NF2: variants seen among roughly 807,000 people sequenced by gnomAD.
The protein encoded by NF2 is NF2, moesin-ezrin-radixin like (MERLIN) tumor suppressor.
NF2 carries 8 observed loss-of-function variants against 83.7 expected under a neutral mutation model. The observed-to-expected ratio is 0.10, with a 90% CI of 0.06 to 0.17. The LOEUF is 0.17. Ranked by LOEUF, NF2 falls within the 10% of genes least tolerant of loss-of-function variation. NF2 has a pLI of 1.00. For missense variants in NF2, 533 were observed against 744.4 expected, an observed-to-expected ratio of 0.72 and a Z score of 3.31; for synonymous variants, 266 against 269.6, an observed-to-expected ratio of 0.99 and a Z score of 0.13.
chr22:29,606,357 C>T (rs951272745), intron 1 of NF2, among the ~76,000 whole-genome samples: 1 of 152,246 alleles, frequency 6.6e-6, no homozygotes, highest in Non-Finnish European at 1.5e-5. Flanking sequence ...GCTCATCCCC[C>T]AGTTCTTGCA....
At chr22:29,655,216 C>T (rs533334368) in intron 5 of NF2, among the ~76,000 whole-genome samples, 5 of 152,254 alleles carry the variant, frequency 3.3e-5, no homozygotes, top group East Asian at 3.9e-4. Flanking sequence ...AATAAAGGCC[C>T]GTTTCTCACC....
chr22:29,661,062 T>G, intron 7 of NF2, 143 bp from the exon 8 acceptor site: 1 of 1,213,594 alleles, frequency 8.2e-7, no homozygotes, highest in Non-Finnish European at 1.2e-6. Context: ...GAAATCTTCT[T>G]GGTTTATAAG....
At chr22:29,615,561 C>A (rs1054648468) in intron 1 of NF2, among the ~76,000 whole-genome samples, 4 of 152,016 alleles carry the variant, frequency 2.6e-5, no homozygotes, top group Non-Finnish European at 5.9e-5. Flanking sequence ...CAAAGCGAGA[C>A]CCTGTCTCAA....
intron 6 of NF2, among the ~76,000 whole-genome samples, chr22:29,656,984 C>T (rs895815386): frequency 5.3e-5 from 8 of 151,714 alleles, no homozygotes; most frequent in African/African-American, 1.9e-4. Context: ...TAGCCTTTAA[C>T]ATTTTTTTCT....
intron 7 of NF2, among the ~76,000 whole-genome samples, chr22:29,660,558 T>A (rs564186970): frequency 1.6e-4 from 24 of 152,330 alleles, no homozygotes; most frequent in Admixed American, 1.1e-3. Flanking sequence ...AAGAAATCAT[T>A]AAACCTATGG....
intron 2 of NF2, 70 bp from the exon 3 acceptor site, chr22:29,639,020 G>C (rs924335445): frequency 1.9e-6 from 3 of 1,610,546 alleles, no homozygotes; most frequent in Non-Finnish European, 2.5e-6. Context: ...CCTTGCAAAG[G>C]CTTCTTTGAG....
intron 15 of NF2, among the ~76,000 whole-genome samples, chr22:29,692,761 A>G (rs544135530): frequency 1.3e-5 from 2 of 152,230 alleles, no homozygotes; most frequent in East Asian, 3.9e-4. Flanking sequence ...CTCCCCAGGG[A>G]GGGGAGAAAC....
At chr22:29,660,582 T>G (rs2066448678) in intron 7 of NF2, among the ~76,000 whole-genome samples, 1 of 152,244 alleles carries the variant, frequency 6.6e-6, no homozygotes, top group African/African-American at 2.4e-5. Context: ...TTTTTTGTTT[T>G]GTTTTTTAAC....
At chr22:29,669,369 G>A (rs1336100285) in intron 10 of NF2, among the ~76,000 whole-genome samples, 1 of 152,068 alleles carries the variant, frequency 6.6e-6, no homozygotes, top group Non-Finnish European at 1.5e-5. Flanking sequence ...AAGAGCTCGT[G>A]GCAGTGGCTC....
chr22:29,657,212 A>T (rs73390922), intron 6 of NF2, among the ~76,000 whole-genome samples: 1 of 152,156 alleles, frequency 6.6e-6, no homozygotes, highest in Non-Finnish European at 1.5e-5. Flanking sequence ...GGCGTTGCCC[A>T]TCTTAAACTT....
At chr22:29,665,858 C>T (rs2066608269) in intron 9 of NF2, among the ~76,000 whole-genome samples, 1 of 151,820 alleles carries the variant, frequency 6.6e-6, no homozygotes, top group South Asian at 2.1e-4. Context: ...TCCTTTCCCT[C>T]TCCCCAAGGG....
chr22:29,696,963 T>C lies in NF2; in HGVS notation c.*2161T>C, dbSNP rs1261476219. ...TCCCGAGTAGCTGGGACTACAGGCG[T>C]GTGCCACCATGCCTGGCTAATTTTT... On this transcript the variant is annotated 3_prime_UTR_variant, in exon 16 of 16. Transcript: ENST00000338641. 4.9e-5 allele frequency: 9 copies of C among 181,974 alleles called. No homozygotes were observed. In the South Asian group the frequency reaches 1.4e-3, roughly 28 times the overall value. 11.3% of individuals were successfully genotyped at this position (181,974 alleles called of 1,614,324 possible). A position where few individuals can be genotyped will look rare whatever the true frequency, so the allele number is the denominator to read the frequency against.
chr22:29,606,914 A>T (rs1308311016), intron 1 of NF2, among the ~76,000 whole-genome samples: 1 of 152,114 alleles, frequency 6.6e-6, no homozygotes, highest in African/African-American at 2.4e-5. Context: ...GCATGGGGGC[A>T]TACACTTGTA....
intron 1 of NF2, among the ~76,000 whole-genome samples, chr22:29,617,742 T>G (rs1276886324): frequency 6.6e-6 from 1 of 152,164 alleles, no homozygotes; most frequent in Non-Finnish European, 1.5e-5. Flanking sequence ...AGTTCTGGGA[T>G]GGAAGTGAGA....
chr22:29,639,013 T>G, intron 2 of NF2, 77 bp from the exon 3 acceptor site: 1 of 1,607,846 alleles, frequency 6.2e-7, no homozygotes. Flanking sequence ...ATGCACGCCT[T>G]GCAAAGGCTT....
intron 8 of NF2, among the ~76,000 whole-genome samples, chr22:29,664,019 T>TC (rs1037782419): frequency 6.6e-6 from 1 of 152,216 alleles, no homozygotes; most frequent in African/African-American, 2.4e-5. Flanking sequence ...GTCCATTTTT[T>TC]CCCCATTTGA....
chr22:29,652,408 G>A (rs553080356), intron 4 of NF2, among the ~76,000 whole-genome samples: 10 of 152,220 alleles, frequency 6.6e-5, no homozygotes, highest in South Asian at 2.1e-4. Context: ...GGGTTCAAGC[G>A]ATTCTCCTGC....
intron 1 of NF2, chr22:29,609,088 G>A (rs764882410): frequency 6.7e-6 from 5 of 745,286 alleles, no homozygotes; most frequent in Non-Finnish European, 1.3e-5. Flanking sequence ...GAGCCAATCA[G>A]TACATCTTTC....
intron 1 of NF2, among the ~76,000 whole-genome samples, chr22:29,621,738 C>G (rs2065221601): frequency 6.6e-6 from 1 of 152,084 alleles, no homozygotes; most frequent in Non-Finnish European, 1.5e-5. Context: ...CGTTAGCTTG[C>G]TCCCTTTCTC....
Sources: gnomAD v4.1 joint callset for allele counts (sites outside exome capture counted in the v4.1 genomes callset) on GRCh38, gnomAD v4.1.1 for gene constraint, MANE v1.5 for transcripts, NCBI Gene and HGNC (gene_info 2026-07-23, HGNC 2026-07-21) for gene names.